SORBS2: variants seen among roughly 807,000 people sequenced by gnomAD.
The protein encoded by SORBS2 is sorbin and SH3 domain containing 2, also known as sorbin and SH3 domain-containing protein 2.
SORBS2 carries 46 observed loss-of-function variants against 97.7 expected under a neutral mutation model. The observed-to-expected ratio is 0.47, with a 90% CI of 0.37 to 0.60. The LOEUF (loss-of-function observed/expected upper bound fraction) is 0.60. Among genes scored for constraint, SORBS2 ranks in the 20% least tolerant of loss-of-function variants. The pLI, the probability that SORBS2 is intolerant of heterozygous loss-of-function variation, is 0.00. For missense variants in SORBS2, 1,316 were observed against 1,282.3 expected (o/e 1.03, Z -0.40); for synonymous variants, 476 against 473.4 (o/e 1.01, Z -0.07).
intron 2 of SORBS2, among the ~76,000 whole-genome samples, chr4:185,681,167 G>C (rs1009297457): frequency 3.9e-5 from 6 of 152,140 alleles, no homozygotes; most frequent in Non-Finnish European, 7.4e-5. Context: ...GGTCTCTCAA[G>C]GAGACTAAAG....
At chr4:185,726,740 T>C (rs1180023218) in intron 2 of SORBS2, among the ~76,000 whole-genome samples, 3 of 152,012 alleles carry the variant, frequency 2.0e-5, no homozygotes, top group Non-Finnish European at 2.9e-5. Flanking sequence ...TACAAATGTA[T>C]AAATATTAAT....
chr4:185,662,681 T>C (rs2097539047), intron 4 of SORBS2, among the ~76,000 whole-genome samples: 1 of 152,206 alleles, frequency 6.6e-6, no homozygotes, highest in South Asian at 2.1e-4. Context: ...TTCTCAGACT[T>C]AGTCAGGGAT....
intron 1 of SORBS2, among the ~76,000 whole-genome samples, chr4:185,921,292 A>G (rs1435321823): frequency 2.0e-5 from 3 of 152,344 alleles, no homozygotes; most frequent in Non-Finnish European, 2.9e-5. Flanking sequence ...TTAGCTAAGC[A>G]TATCTGTAAG....
At chr4:185,780,440 A>G (rs1005990979) in intron 1 of SORBS2, among the ~76,000 whole-genome samples, 1 of 152,086 alleles carries the variant, frequency 6.6e-6, no homozygotes, top group African/African-American at 2.4e-5. Context: ...ATCTACAGGA[A>G]CCTCACCCAT....
At chr4:185,723,575 C>T (rs1044112994) in intron 2 of SORBS2, among the ~76,000 whole-genome samples, 2 of 152,138 alleles carry the variant, frequency 1.3e-5, no homozygotes, top group African/African-American at 4.8e-5. Flanking sequence ...TAGTCTGAGT[C>T]TTATTCTATT....
At chr4:185,813,709 C>A (rs34363716) in intron 1 of SORBS2, among the ~76,000 whole-genome samples, 2 of 152,128 alleles carry the variant, frequency 1.3e-5, no homozygotes, top group Middle Eastern at 3.2e-3. Flanking sequence ...AACCTCCATC[C>A]CAATCTGCCT....
chr4:185,742,983 A>C (rs1002767651), intron 2 of SORBS2, among the ~76,000 whole-genome samples: 1 of 152,058 alleles, frequency 6.6e-6, no homozygotes, highest in Non-Finnish European at 1.5e-5. Context: ...GGCACAGCGA[A>C]TGCACCTCCC....
At chr4:185,631,743 T>A (rs925656776) in intron 4 of SORBS2, among the ~76,000 whole-genome samples, 5 of 151,680 alleles carry the variant, frequency 3.3e-5, no homozygotes, top group Admixed American at 2.0e-4. Flanking sequence ...GCCTGGGCCA[T>A]GAGAGTGAAA....
chr4:185,757,980 T>G (rs1368598568), intron 2 of SORBS2, among the ~76,000 whole-genome samples: 1 of 152,196 alleles, frequency 6.6e-6, no homozygotes, highest in Non-Finnish European at 1.5e-5. Context: ...GAAACTGCTA[T>G]GGATTGTTAA....
At chr4:185,671,771 C>T (rs566588038) in intron 4 of SORBS2, among the ~76,000 whole-genome samples, 11 of 152,264 alleles carry the variant, frequency 7.2e-5, no homozygotes, top group Non-Finnish European at 1.0e-4. Flanking sequence ...CAGATCATGA[C>T]GTGGTATTAG....
In SORBS2 at chr4:185,747,041, C is replaced by T. The variant is rs548274074; in HGVS notation, c.-198+28186G>A. 1.8e-3 allele frequency among the ~76,000 whole-genome samples: 276 copies of T among 152,238 alleles called. 1 individual carries two copies. Among genetic ancestry groups the T allele is most frequent in the African/African-American group, 6.2e-3 (259 of 41,542 alleles). On this transcript the variant is annotated intron_variant, in intron 2 of 20. Transcript: ENST00000284776. The stretch of plus-strand genomic sequence containing the variant: ...GGCGCAGTGGCTCACGCCTATGATG[C>T]CACTGCACTCCAGCCTGGGCAACAG...
chr4:185,643,895 T>C (rs561251257), intron 4 of SORBS2, among the ~76,000 whole-genome samples: 2 of 152,174 alleles, frequency 1.3e-5, no homozygotes, highest in South Asian at 4.1e-4. Flanking sequence ...CCACTCTCAT[T>C]CAGCACGCCT....
chr4:185,628,175 T>A (rs2096849203), intron 5 of SORBS2, among the ~76,000 whole-genome samples: 1 of 152,166 alleles, frequency 6.6e-6, no homozygotes, highest in Non-Finnish European at 1.5e-5. Context: ...GAACCTAAGT[T>A]TTTAAACATC....
chr4:185,826,464 C>T (rs1327792769), intron 1 of SORBS2, among the ~76,000 whole-genome samples: 1 of 152,142 alleles, frequency 6.6e-6, no homozygotes, highest in African/African-American at 2.4e-5. Flanking sequence ...TTTCTTTGCC[C>T]TGTGCATTAT....
At chr4:185,923,932 G>C (rs933998632) in intron 1 of SORBS2, among the ~76,000 whole-genome samples, 3 of 152,292 alleles carry the variant, frequency 2.0e-5, no homozygotes, top group Non-Finnish European at 4.4e-5. Context: ...ATTGTTAAAA[G>C]ACGCTCAATC....
At chr4:185,912,700 G>A (rs1441214779) in intron 1 of SORBS2, among the ~76,000 whole-genome samples, 1 of 151,284 alleles carries the variant, frequency 6.6e-6, no homozygotes, top group Non-Finnish European at 1.5e-5. Context: ...ATTACCTTGA[G>A]ATCCTGGCAG....
chr4:185,812,646 T>A (rs2099188835), intron 1 of SORBS2, among the ~76,000 whole-genome samples: 1 of 150,866 alleles, frequency 6.6e-6, no homozygotes, highest in South Asian at 2.1e-4. Flanking sequence ...CACTTTTTGT[T>A]TTTAAATGAT....
At position 185,748,601 on chromosome 4, in the gene SORBS2, A is replaced by G. The variant is rs142033868; in HGVS notation, c.-198+26626T>C. ...AGGACCTCAGCACTGATGACGAGAG[A>G]TGGTGTGTTACGGATTTTGCATCTG... On this transcript the variant is annotated intron_variant, in intron 2 of 20. Transcript: ENST00000284776. Among the ~76,000 whole-genome samples the G allele has an allele frequency of 8.1e-3, 1,241 of 152,300 alleles. 21 individuals carry two copies. Among genetic ancestry groups the G allele is most frequent in the African/African-American group, 0.029 (1,189 of 41,566 alleles).
chr4:185,630,349 A>T (rs2096886849), intron 5 of SORBS2, among the ~76,000 whole-genome samples, 200 bp downstream of exon 17: 1 of 152,220 alleles, frequency 6.6e-6, no homozygotes, highest in South Asian at 2.1e-4. Context: ...ATTTATAATT[A>T]GTTCACTAAT....
Sources: allele counts gnomAD v4.1 joint callset (sites outside exome capture counted in the v4.1 genomes callset), GRCh38; gene constraint gnomAD v4.1.1; transcripts MANE v1.5; gene names NCBI Gene and HGNC (gene_info 2026-07-23, HGNC 2026-07-21).